Variants in TBC1D12 observed in about 807,000 individuals in gnomAD.
TBC1D12 encodes the protein TBC1 domain family, member 12.
A neutral mutation model predicts 86.7 loss-of-function variants in TBC1D12; 56 were observed. The ratio of observed to expected loss-of-function variants is 0.65; its 90% CI spans 0.52 to 0.81. The LOEUF is 0.81. TBC1D12 is among the 30% of genes least tolerant of loss of function. The probability of loss-of-function intolerance (pLI) is 0.00; values close to 1 mark genes in which losing one functional copy is unlikely to be tolerated. For missense variants in TBC1D12, 1,023 were observed against 1,038.8 expected (o/e 0.98, Z 0.21); for synonymous variants, 421 against 411.7 (o/e 1.02, Z -0.27).
At chr10:94,520,939 G>C (rs1250154868) in intron 9 of TBC1D12, among the ~76,000 whole-genome samples, 1 of 152,164 alleles carries the variant, frequency 6.6e-6, no homozygotes, top group East Asian at 1.9e-4. Context: ...GGGATTACAG[G>C]CGTGAGCCAC....
At chr10:94,484,477 T>G (rs1288648582) in intron 3 of TBC1D12, among the ~76,000 whole-genome samples, 1 of 152,060 alleles carries the variant, frequency 6.6e-6, no homozygotes, top group Admixed American at 6.6e-5. Context: ...CAGCCTCAGG[T>G]GATCCACCCA....
At chr10:94,444,925 G>C (rs1476485045) in intron 2 of TBC1D12, among the ~76,000 whole-genome samples, 5 of 150,044 alleles carry the variant, frequency 3.3e-5, no homozygotes, top group African/African-American at 1.2e-4. Flanking sequence ...GTAGAGACGG[G>C]GTTTCACCGT....
chr10:94,523,733 C>A (rs935690294), intron 11 of TBC1D12, among the ~76,000 whole-genome samples: 1 of 151,980 alleles, frequency 6.6e-6, no homozygotes, highest in Non-Finnish European at 1.5e-5. Flanking sequence ...GAGGCCAAGG[C>A]GGGAGGATTG....
At chr10:94,499,774 A>G (rs182690593) in intron 5 of TBC1D12, among the ~76,000 whole-genome samples, 33 of 152,330 alleles carry the variant, frequency 2.2e-4, no homozygotes. Context: ...CATTTAATTA[A>G]TGGTTAAACT....
intron 2 of TBC1D12, among the ~76,000 whole-genome samples, chr10:94,473,320 A>G (rs1589642286): frequency 6.6e-6 from 1 of 151,498 alleles, no homozygotes; most frequent in Admixed American, 6.6e-5. Context: ...AGACCATGCC[A>G]CTGCACTCCA....
chr10:94,407,913 C>T (rs2054879122), intron 1 of TBC1D12, among the ~76,000 whole-genome samples: 1 of 152,094 alleles, frequency 6.6e-6, no homozygotes, highest in Non-Finnish European at 1.5e-5. Flanking sequence ...CTGCAGTGAG[C>T]CATGATTGAG....
intron 1 of TBC1D12, among the ~76,000 whole-genome samples, chr10:94,428,275 G>A (rs1358689276): frequency 6.7e-5 from 10 of 148,594 alleles, no homozygotes; most frequent in African/African-American, 2.2e-4. Context: ...AGAAATGTTT[G>A]GAACTTCTTT....
At chr10:94,426,721 C>T (rs565143894) in intron 1 of TBC1D12, among the ~76,000 whole-genome samples, 40 of 152,044 alleles carry the variant, frequency 2.6e-4, no homozygotes, top group Middle Eastern at 3.4e-3. Context: ...GGATTACAGG[C>T]GCTCGCCACC....
intron 1 of TBC1D12, among the ~76,000 whole-genome samples, chr10:94,414,556 C>G (rs368671715): frequency 9.3e-4 from 140 of 151,306 alleles, no homozygotes; most frequent in African/African-American, 3.3e-3. Flanking sequence ...ACTTCCCTAA[C>G]GTCCCTGTCT....
chr10:94,435,174 A>G (rs527900503), intron 1 of TBC1D12, among the ~76,000 whole-genome samples: 1 of 152,306 alleles, frequency 6.6e-6, no homozygotes, highest in South Asian at 2.1e-4. Flanking sequence ...GTTGTTATAT[A>G]TGTATTCCAA....
chr10:94,403,206 C>G lies in TBC1D12; in HGVS notation c.593C>G (p.Pro198Arg). 1 of 1,502,402 alleles carries G rather than the reference C, an allele frequency of 6.7e-7. No individual in the cohort carries two copies. The highest frequency in any genetic ancestry group is 8.9e-7 in the Non-Finnish European group (1 of 1,128,090). The allele number at this position is 1,502,402 out of a possible 1,614,324, so 93.1% of individuals were successfully genotyped here. A position where few individuals can be genotyped will look rare whatever the true frequency, so the allele number is the denominator to read the frequency against. The stretch of plus-strand genomic sequence containing the variant: ...GATTGGGCCTCTCCGCTTGAGGACC[C>G]GCTGCGGAGCTGCTGCCTGGTGGCC... Reference protein sequence around the residue: ...PSDWASPLEDPLRSCCLVAAD... With the variant: ...PSDWASPLEDRLRSCCLVAAD... Residue 198 changes from proline to arginine, a missense_variant, in exon 1 of 13, where the codon CCG becomes CGG. This residue lies in a region of TBC1D12 where 628 missense variants were observed against 531.1 expected (regional missense o/e 1.18). Coordinates refer to ENST00000225235, the MANE Select transcript of TBC1D12 (RefSeq NM_015188.2).
intron 9 of TBC1D12, among the ~76,000 whole-genome samples, chr10:94,513,720 T>C (rs976662339): frequency 1.3e-5 from 2 of 151,972 alleles, no homozygotes; most frequent in African/African-American, 2.4e-5. Context: ...CAAGCCACCA[T>C]GCTTGGCTAA....
At chr10:94,531,561 T>C (rs1383255070) in intron 12 of TBC1D12, 101 bp downstream of exon 12, 5 of 1,257,210 alleles carry the variant, frequency 4.0e-6, no homozygotes, top group East Asian at 2.8e-5. Flanking sequence ...AAAATATGTC[T>C]TTTAAAAATA....
chr10:94,518,223 T>C (rs935263803), intron 9 of TBC1D12, among the ~76,000 whole-genome samples: 3 of 151,234 alleles, frequency 2.0e-5, no homozygotes, highest in Non-Finnish European at 4.4e-5. Flanking sequence ...TTTCTTTTTC[T>C]TTTTTTTTGA....
At chr10:94,514,158 T>C (rs2056560095) in intron 9 of TBC1D12, among the ~76,000 whole-genome samples, 1 of 151,966 alleles carries the variant, frequency 6.6e-6, no homozygotes, top group Admixed American at 6.6e-5. Context: ...GAAGATCGCT[T>C]GAGCCCAGGA....
At chr10:94,470,464 A>G (rs1163792159) in intron 2 of TBC1D12, among the ~76,000 whole-genome samples, 1 of 151,992 alleles carries the variant, frequency 6.6e-6, no homozygotes, top group African/African-American at 2.4e-5. Flanking sequence ...ACCTGGCTCA[A>G]GTGATCTCCC....
At chr10:94,499,849 C>G (rs918090042) in intron 5 of TBC1D12, among the ~76,000 whole-genome samples, 4 of 152,202 alleles carry the variant, frequency 2.6e-5, no homozygotes, top group Admixed American at 6.5e-5. Flanking sequence ...TTTACTGCTT[C>G]TCAAAAACTA....
chr10:94,403,475 C>A lies in TBC1D12; in HGVS notation c.862C>A (p.His288Asn). The part of the protein sequence containing the change: ...QVSRGQSARD[H>N]LPPAGPPVPL... ...GAGCCGCGGTCAGAGCGCCCGCGATCACCTGCCCCCGGCGGGGCCGCCGGT... is the reference window on the plus strand; with the variant it reads ...GAGCCGCGGTCAGAGCGCCCGCGATAACCTGCCCCCGGCGGGGCCGCCGGT... Residue 288 changes from histidine to asparagine, a missense_variant, in exon 1 of 13, where the codon CAC becomes AAC. This residue lies in a region of TBC1D12 where 628 missense variants were observed against 531.1 expected (regional missense o/e 1.18). Transcript: ENST00000225235. The A allele has an allele frequency of 1.3e-6, 2 of 1,542,408 alleles. No homozygotes were observed. The highest frequency in any genetic ancestry group is 1.7e-6 in the Non-Finnish European group (2 of 1,144,862).
chr10:94,443,908 G>A (rs867372834), intron 2 of TBC1D12, among the ~76,000 whole-genome samples: 15 of 152,240 alleles, frequency 9.9e-5, no homozygotes, highest in African/African-American at 3.4e-4. Context: ...AGTGGCTCAC[G>A]CCTGTAATCC....
Sources: gnomAD v4.1 joint callset for allele counts (sites outside exome capture counted in the v4.1 genomes callset) on GRCh38, gnomAD v4.1.1 for gene constraint, gnomAD v4.1.1 regional missense constraint, MANE v1.5 for transcripts, NCBI Gene and HGNC (gene_info 2026-07-23, HGNC 2026-07-21) for gene names.